The following C16orf96 variants were observed in gnomAD, a reference collection of about 807,000 sequenced individuals.
The protein encoded by C16orf96 is uncharacterized protein C16orf96.
In C16orf96, 108 loss-of-function variants were observed where a neutral mutation model predicts 103.6. The ratio of observed to expected loss-of-function variants is 1.04; its 90% CI spans 0.89 to 1.22. The LOEUF (loss-of-function observed/expected upper bound fraction) is 1.22, where lower values mean the gene tolerates loss of function less well. Ranked by LOEUF, C16orf96 falls within the 50% of genes most tolerant of loss-of-function variation. C16orf96 has a pLI of 0.00. For synonymous variants in C16orf96, 566 were observed against 593.5 expected, an observed-to-expected ratio of 0.95 and a Z score of 0.67; for missense variants, 1,586 against 1,464.2, an observed-to-expected ratio of 1.08 and a Z score of -1.36.
At chr16:4,584,959 C>G (rs1896885996) in intron 7 of C16orf96, among the ~76,000 whole-genome samples, 5 of 152,186 alleles carry the variant, frequency 3.3e-5, no homozygotes, top group Admixed American at 3.3e-4. Context: ...GCATTAGCCA[C>G]TGCGCCCAGC....
Position 4,587,948 on chromosome 16 carries a change from A to G in C16orf96, c.2428-219A>G, listed in dbSNP as rs189394755. On this transcript the variant is annotated intron_variant, in intron 8 of 15. Transcript: ENST00000444310. ...ACAAGATCCTGTCTCAAAAAAACAC[A>G]TAATAATAAAATACATCAACTTCCC... Among the ~76,000 whole-genome samples, 39 of 152,298 alleles carry G rather than the reference A, an allele frequency of 2.6e-4. No individual in the cohort carries two copies. In the Middle Eastern group the frequency reaches 0.01, roughly 40 times the overall value.
At chr16:4,580,184 CCTT>C (rs2059566629) in intron 7 of C16orf96, 59 bp downstream of exon 7, 2 of 1,308,442 alleles carry the variant, frequency 1.5e-6, no homozygotes, top group African/African-American at 1.5e-5. Flanking sequence ...CTCACCTAGA[CCTT>C]CTGGCCCTTC....
rs981397141 is a variant in C16orf96, at chr16:4,556,513, C to T, written c.24C>T (p.Thr8=). 8.5e-6 allele frequency: 13 copies of T among 1,534,870 alleles called. No homozygotes were observed. The African/African-American group carries it at 9.6e-5, about 11-fold the overall frequency. MSFSLTF[T]ELANIAIPQC... ...GGATGAGCTTCTCACTCACGTTCAC[C>T]GAGCTGGCCAACATCGCCATCCCAC... The change falls in exon 1 of 16, where the codon ACC becomes ACT. Residue 8 remains threonine (T), a synonymous_variant. Transcript: ENST00000444310.
Position 4,585,684 on chromosome 16 carries a change from C to T in C16orf96, c.2353-1355C>T, listed in dbSNP as rs140528946. 2.1e-3 allele frequency among the ~76,000 whole-genome samples: 323 copies of T among 152,174 alleles called. 2 individuals carry two copies. The highest frequency in any genetic ancestry group is 7.3e-3 in the African/African-American group (305 of 41,520). On this transcript the variant is annotated intron_variant, in intron 7 of 15. Transcript: ENST00000444310. ...CAAATCACTCTTGGGGTTCTGGAGG[C>T]GGGAATTCTGAAATCAAGGTGTCAT...
chr16:4,576,460 T>G lies in C16orf96; in HGVS notation c.1980T>G (p.Asp660Glu), dbSNP rs140280129. The change falls in exon 5 of 16, where the codon GAT becomes GAG. Residue 660 changes from aspartate to glutamate, a missense_variant. Physicochemically the swap from Asp to Glu is conservative, Grantham distance 45. Coordinates refer to ENST00000444310, the MANE Select transcript of C16orf96 (RefSeq NM_001145011.2). The part of the protein sequence containing the change: ...PSYSAASIGP[D>E]PALSQAMVAT... ...ACTCTGCTGCCAGCATCGGTCCCGA[T>G]CCAGCCCTGTCCCAGGCCATGGTGG... 1,790 of 1,551,394 alleles carry G rather than the reference T, an allele frequency of 1.2e-3. 10 individuals carry two copies. The highest frequency in any genetic ancestry group is 8.5e-4 in the Non-Finnish European group (980 of 1,147,014).
chr16:4,590,298 C>A (rs995152487), intron 9 of C16orf96, among the ~76,000 whole-genome samples: 6 of 152,032 alleles, frequency 3.9e-5, no homozygotes, highest in African/African-American at 1.4e-4. Context: ...GTGGCTCACA[C>A]CTGTAATCCC....
chr16:4,591,842 C>T, intron 10 of C16orf96, 58 bp downstream of exon 10: 1 of 1,315,248 alleles, frequency 7.6e-7, no homozygotes. Context: ...CTGTGGGGAA[C>T]ACACCCTGGA....
chr16:4,594,258 T>C (rs1897121062), intron 12 of C16orf96, 93 bp from the exon 13 acceptor site: 1 of 1,394,936 alleles, frequency 7.2e-7, no homozygotes, highest in Non-Finnish European at 9.6e-7. Flanking sequence ...GAAATGCTGG[T>C]CTTCCCTCGA....
chr16:4,579,988 T>C, intron 6 of C16orf96, 27 bp from the exon 7 acceptor site: 1 of 1,517,972 alleles, frequency 6.6e-7, no homozygotes, highest in Non-Finnish European at 9.0e-7. Flanking sequence ...AGCAGAGGCC[T>C]GGGGTGTCTG....
Position 4,600,356 on chromosome 16 carries a change from C to A in C16orf96, c.*39C>A. 6.9e-7 allele frequency: 1 copy of A among 1,439,488 alleles called. No individual in the cohort carries two copies. Among genetic ancestry groups the A allele is most frequent in the Non-Finnish European group, 9.5e-7 (1 of 1,053,948 alleles). 89.2% of individuals were successfully genotyped at this position (1,439,488 alleles called of 1,614,324 possible). On this transcript the variant is annotated 3_prime_UTR_variant, in exon 16 of 16. Transcript: ENST00000444310. Reference sequence around the variant, plus strand: ...GCGCCCCCCATCGCCAAGTCCCCTCCACGTCCGAGGCTGAGGCCCATGTGG... The same window carrying A: ...GCGCCCCCCATCGCCAAGTCCCCTCAACGTCCGAGGCTGAGGCCCATGTGG...
chr16:4,586,063 C>T (rs144572066), intron 7 of C16orf96, among the ~76,000 whole-genome samples: 11 of 152,140 alleles, frequency 7.2e-5, no homozygotes, highest in African/African-American at 2.2e-4. Context: ...AGTTCGAGAC[C>T]ATCGTAACCA....
At chr16:4,570,205 T>TC (rs2059422953) in intron 1 of C16orf96, among the ~76,000 whole-genome samples, 1 of 152,132 alleles carries the variant, frequency 6.6e-6, no homozygotes, top group Non-Finnish European at 1.5e-5. Context: ...TGCCTCAAGC[T>TC]CCCAAAGTGC....
upstream of C16orf96, among the ~76,000 whole-genome samples, chr16:4,551,703 C>G (rs984042162): frequency 8.5e-5 from 13 of 152,210 alleles, no homozygotes; most frequent in Admixed American, 7.9e-4. Flanking sequence ...CTGCCCACCT[C>G]GGCCTCCCAA....
At chr16:4,589,465 A>G (rs2404576) in intron 9 of C16orf96, among the ~76,000 whole-genome samples, 101,736 of 150,894 alleles carry the variant, frequency 0.67, 37,517 homozygotes, top group East Asian at 0.88. Flanking sequence ...TGCATTTCCA[A>G]CTACTCAGGA....
intron 8 of C16orf96, among the ~76,000 whole-genome samples, 152 bp from the exon 9 acceptor site, chr16:4,588,015 G>C (rs943480347): frequency 1.3e-5 from 2 of 152,150 alleles, no homozygotes; most frequent in African/African-American, 4.8e-5. Flanking sequence ...GATCGTGTTT[G>C]AATCCACGTA....
chr16:4,554,368 TG>T (rs2059244228), upstream of C16orf96, among the ~76,000 whole-genome samples: 2 of 151,672 alleles, frequency 1.3e-5, no homozygotes, highest in African/African-American at 4.8e-5. Context: ...TTTTTTTTTT[TG>T]AGACAGAGTC....
At chr16:4,564,376 G>A (rs959799047) in intron 1 of C16orf96, among the ~76,000 whole-genome samples, 10 of 152,074 alleles carry the variant, frequency 6.6e-5, no homozygotes, top group African/African-American at 2.2e-4. Context: ...GGAAGTCCCC[G>A]GGAGAGGGAT....
At chr16:4,579,837 C>T (rs1172142140) in intron 6 of C16orf96, among the ~76,000 whole-genome samples, 178 bp from the exon 7 acceptor site, 1 of 152,086 alleles carries the variant, frequency 6.6e-6, no homozygotes, top group Non-Finnish European at 1.5e-5. Flanking sequence ...TCTCGAGCTC[C>T]TGACCTCAGT....
Position 4,593,261 on chromosome 16 carries a change from C to G in C16orf96, c.2812C>G (p.Arg938Gly). Residue 938 changes from arginine to glycine, a missense_variant, in exon 12 of 16, where the codon CGG becomes GGG. Transcript: ENST00000444310. The surrounding 1 kb of genome is among the most constrained non-coding windows in gnomAD (Gnocchi z 4.2). ...ITIRKAHLLS[R>G]LRPASANSCE... is the part of the protein sequence containing the mutation. The stretch of plus-strand genomic sequence containing the variant: ...CATCCGCAAAGCCCACCTGCTGTCC[C>G]GGCTGCGGCCAGCCAGCGCCAACAG... 6.4e-7 allele frequency: 1 copy of G among 1,551,024 alleles called. No individual in the cohort carries two copies. The highest frequency in any genetic ancestry group is 8.7e-7 in the Non-Finnish European group (1 of 1,146,888).
Sources: allele counts gnomAD v4.1 joint callset (sites outside exome capture counted in the v4.1 genomes callset), GRCh38; gene constraint gnomAD v4.1.1; non-coding constraint Gnocchi (gnomAD v3.1); transcripts MANE v1.5; gene names NCBI Gene and HGNC (gene_info 2026-07-23, HGNC 2026-07-21).